The following BRINP3 variants were observed in gnomAD, a reference collection of about 807,000 sequenced individuals.
BRINP3 encodes the protein BMP/retinoic acid inducible neural specific 3.
BRINP3 carries 19 observed loss-of-function variants against 71.0 expected under a neutral mutation model. The ratio of observed to expected loss-of-function variants is 0.27; its 90% confidence interval spans 0.19 to 0.39. BRINP3 has a LOEUF of 0.39. Ranked by LOEUF, BRINP3 falls within the 10% of genes least tolerant of loss-of-function variation. The pLI is 1.00. For synonymous variants in BRINP3, 380 were observed against 337.7 expected, an observed-to-expected ratio of 1.13 and a Z score of -1.37; for missense variants, 959 against 940.8, an observed-to-expected ratio of 1.02 and a Z score of -0.25.
intron 2 of BRINP3, among the ~76,000 whole-genome samples, chr1:190,395,464 T>A (rs1206058035): frequency 6.6e-6 from 1 of 151,772 alleles, no homozygotes; most frequent in African/African-American, 2.4e-5. Context: ...GATTTTCTAA[T>A]GTATTTCAAT....
intron 2 of BRINP3, among the ~76,000 whole-genome samples, chr1:190,310,451 A>G (rs1280959234): frequency 6.6e-6 from 1 of 151,760 alleles, no homozygotes; most frequent in East Asian, 1.9e-4. Flanking sequence ...ATGTTTTTAT[A>G]TATGCTTAGA....
chr1:190,203,523 T>A (rs756897912), intron 6 of BRINP3, among the ~76,000 whole-genome samples: 5 of 149,384 alleles, frequency 3.3e-5, no homozygotes, highest in Non-Finnish European at 7.4e-5. Context: ...ATTGACTGGA[T>A]GTCTCTATAG....
intron 2 of BRINP3, among the ~76,000 whole-genome samples, chr1:190,387,861 A>G (rs1295594666): frequency 6.6e-6 from 1 of 151,780 alleles, no homozygotes; most frequent in Non-Finnish European, 1.5e-5. Context: ...ACTGAATTTT[A>G]TTCTTGAATA....
At chr1:190,423,083 A>G (rs1272475249) in intron 2 of BRINP3, among the ~76,000 whole-genome samples, 2 of 151,614 alleles carry the variant, frequency 1.3e-5, no homozygotes, top group Admixed American at 6.6e-5. Flanking sequence ...TAGACCCCAG[A>G]CCCTTCATGC....
In BRINP3 at chr1:190,098,381, A is replaced by G. The variant is rs769009752; in HGVS notation, c.1938T>C (p.Tyr646=). The G allele has an allele frequency of 3.7e-6, 6 of 1,614,202 alleles. No homozygotes were observed. Among genetic ancestry groups the G allele is most frequent in the Non-Finnish European group, 5.1e-6 (6 of 1,180,038 alleles). Residue 646 remains tyrosine (Y), a synonymous_variant, in exon 8 of 8, where the codon TAT becomes TAC. Transcript: ENST00000367462. The part of the protein sequence containing the change: ...NGPNGNESIY[Y]EPLEFIDPSR... ...AAGGGTCAATAAACTCCAGAGGTTC[A>G]TAGTAAATGCTCTCATTACCATTGG...
At chr1:190,176,503 A>G (rs1404318974) in intron 6 of BRINP3, among the ~76,000 whole-genome samples, 2 of 152,200 alleles carry the variant, frequency 1.3e-5, no homozygotes, top group Non-Finnish European at 2.9e-5. Flanking sequence ...CAGGTACATG[A>G]AAAGTACCTT....
intron 6 of BRINP3, among the ~76,000 whole-genome samples, chr1:190,215,324 C>T (rs2102664677): frequency 6.6e-6 from 1 of 151,850 alleles, no homozygotes; most frequent in East Asian, 1.9e-4. Flanking sequence ...GTTTTACTCC[C>T]CAAAAATATG....
At chr1:190,243,117 C>T (rs954417091) in intron 4 of BRINP3, among the ~76,000 whole-genome samples, 1 of 152,084 alleles carries the variant, frequency 6.6e-6, no homozygotes, top group Non-Finnish European at 1.5e-5. Flanking sequence ...TAAAACTACA[C>T]AGTGACTAGA....
intron 6 of BRINP3, among the ~76,000 whole-genome samples, chr1:190,183,881 G>A (rs773192426): frequency 1.3e-5 from 2 of 152,078 alleles, no homozygotes; most frequent in Non-Finnish European, 2.9e-5. Flanking sequence ...GACAGGAGTA[G>A]GTTAGGGCTG....
At chr1:190,334,009 A>C (rs1315636957) in intron 2 of BRINP3, among the ~76,000 whole-genome samples, 1 of 151,882 alleles carries the variant, frequency 6.6e-6, no homozygotes, top group Non-Finnish European at 1.5e-5. Context: ...TTGCATCAAA[A>C]TTTGCACAAC....
At chr1:190,390,823 C>G (rs955050126) in intron 2 of BRINP3, among the ~76,000 whole-genome samples, 3 of 151,748 alleles carry the variant, frequency 2.0e-5, no homozygotes, top group Non-Finnish European at 4.4e-5. Context: ...GCTAAGTGAC[C>G]TGGAGTCCTA....
At chr1:190,153,096 C>G (rs1483226671) in intron 7 of BRINP3, among the ~76,000 whole-genome samples, 1 of 152,028 alleles carries the variant, frequency 6.6e-6, no homozygotes, top group Non-Finnish European at 1.5e-5. Flanking sequence ...ACAATTTTCC[C>G]TACTTTGAAA....
chr1:190,202,743 T>C (rs1373473728), intron 6 of BRINP3, among the ~76,000 whole-genome samples: 1 of 152,118 alleles, frequency 6.6e-6, no homozygotes, highest in Non-Finnish European at 1.5e-5. Flanking sequence ...TAGTTTTGCC[T>C]GTCATCATCC....
intron 2 of BRINP3, among the ~76,000 whole-genome samples, chr1:190,313,955 C>T (rs767706805): frequency 2.6e-5 from 4 of 151,900 alleles, no homozygotes; most frequent in Non-Finnish European, 5.9e-5. Flanking sequence ...CTTGACTAAT[C>T]TTTCATACAT....
chr1:190,191,270 A>G (rs1654010031), intron 6 of BRINP3, among the ~76,000 whole-genome samples: 2 of 152,128 alleles, frequency 1.3e-5, no homozygotes, highest in Non-Finnish European at 2.9e-5. Context: ...TAGAGCTATA[A>G]TACAGGCATT....
At chr1:190,145,177 T>C (rs987391531) in intron 7 of BRINP3, among the ~76,000 whole-genome samples, 8 of 152,166 alleles carry the variant, frequency 5.3e-5, no homozygotes, top group African/African-American at 1.7e-4. Flanking sequence ...TCTCTCTCTA[T>C]AAAATTGCAC....
intron 1 of BRINP3, among the ~76,000 whole-genome samples, chr1:190,458,584 T>A (rs1241476893): frequency 6.6e-6 from 1 of 152,044 alleles, no homozygotes; most frequent in Non-Finnish European, 1.5e-5. Flanking sequence ...TTACCTTAAT[T>A]GGTTGCTTTA....
At chr1:190,287,470 T>G (rs1157768406) in intron 2 of BRINP3, among the ~76,000 whole-genome samples, 2 of 152,154 alleles carry the variant, frequency 1.3e-5, no homozygotes, top group African/African-American at 4.8e-5. Flanking sequence ...TTTAATTTTT[T>G]TTTTAAGCTT....
At chr1:190,423,210 A>AG (rs1252284123) in intron 2 of BRINP3, among the ~76,000 whole-genome samples, 5 of 151,724 alleles carry the variant, frequency 3.3e-5, no homozygotes, top group Admixed American at 6.6e-5. Flanking sequence ...ATAGTCATTA[A>AG]GGGCCCTATG....
Sources: allele counts gnomAD v4.1 joint callset (sites outside exome capture counted in the v4.1 genomes callset), GRCh38; gene constraint gnomAD v4.1.1; transcripts MANE v1.5; gene names NCBI Gene and HGNC (gene_info 2026-07-23, HGNC 2026-07-21).